The following PDE3A variants were observed in gnomAD, a reference collection of about 807,000 sequenced individuals.
The protein encoded by PDE3A is phosphodiesterase 3A, also known as cGMP-inhibited 3',5'-cyclic phosphodiesterase 3A.
PDE3A carries 43 observed loss-of-function variants against 98.3 expected under a neutral mutation model. The ratio of observed to expected loss-of-function variants is 0.44; its 90% confidence interval spans 0.34 to 0.56. The LOEUF (loss-of-function observed/expected upper bound fraction) is 0.56. Among genes scored for constraint, PDE3A ranks in the 20% least tolerant of loss-of-function variants. The pLI is 0.01. For missense variants in PDE3A, 1,427 were observed against 1,440.7 expected, an observed-to-expected ratio of 0.99 and a Z score of 0.15; for synonymous variants, 663 against 567.9, an observed-to-expected ratio of 1.17 and a Z score of -2.38.
chr12:20,433,554 T>C (rs141589210), intron 1 of PDE3A, among the ~76,000 whole-genome samples: 1 of 152,276 alleles, frequency 6.6e-6, no homozygotes, highest in East Asian at 1.9e-4. Context: ...GGAAGCTGTG[T>C]ATTTCCCATT....
At chr12:20,626,131 A>C (rs1273356902) in intron 5 of PDE3A, among the ~76,000 whole-genome samples, 3 of 147,902 alleles carry the variant, frequency 2.0e-5, no homozygotes, top group African/African-American at 8.0e-5. Flanking sequence ...AAAGCATTTT[A>C]GAAAATTTTA....
At chr12:20,558,691 A>AAATAATAATAATAATAATAAT (rs66996145) in intron 2 of PDE3A, among the ~76,000 whole-genome samples, 1 of 147,832 alleles carries the variant, frequency 6.8e-6, no homozygotes, top group African/African-American at 2.5e-5. Context: ...CCTGCTGACG[A>AAATAATAATAATAATAATAAT]AATAATAATA....
intron 15 of PDE3A, among the ~76,000 whole-genome samples, chr12:20,673,261 A>G (rs1945539400): frequency 6.6e-6 from 1 of 151,590 alleles, no homozygotes; most frequent in African/African-American, 2.4e-5. Flanking sequence ...GGGACTGTAA[A>G]CTAGTTCAAC....
At chr12:20,515,699 ATTAT>A (rs58454608) in intron 1 of PDE3A, among the ~76,000 whole-genome samples, 45,074 of 140,724 alleles carry the variant, frequency 0.32, 7,680 homozygotes, top group Non-Finnish European at 0.39. Context: ...CTCACACTGT[ATTAT>A]TTATTTATTT....
At position 20,369,567 on chromosome 12, in the gene PDE3A, G is replaced by A. The variant is rs1345749615; in HGVS notation, c.283G>A (p.Ala95Thr). The A allele has an allele frequency of 7.7e-6, 12 of 1,550,950 alleles. No individual in the cohort carries two copies. Among genetic ancestry groups the A allele is most frequent in the Non-Finnish European group, 1.0e-5 (12 of 1,148,928 alleles). The change falls in exon 1 of 16, where the codon GCG becomes ACG. Residue 95 changes from alanine (A) to threonine (T), a missense_variant. Ala to Thr is a moderately conservative substitution (Grantham distance 58). Transcript: ENST00000359062. ...CTGTGACCTGGAGCAGTGTAAGGAG[G>A]CGGCGGCGGCGGAGGAGGAGGAAGC... ...VGCDLEQCKEAAAAEEEEAAP... is the reference protein window; with the variant it reads ...VGCDLEQCKETAAAEEEEAAP...
At chr12:20,537,123 T>C (rs1235328162) in intron 1 of PDE3A, among the ~76,000 whole-genome samples, 1 of 152,118 alleles carries the variant, frequency 6.6e-6, no homozygotes, top group East Asian at 1.9e-4. Flanking sequence ...GGTATCTCAC[T>C]GTGGTCTTGA....
Position 20,369,208 on chromosome 12 carries a change from T to TGC in PDE3A, c.-76_-75insCG. On this transcript the variant is annotated 5_prime_UTR_variant, in exon 1 of 16. Transcript: ENST00000359062. ...GTGCGTGCGTGTGTGTGTGTGTGTG[T>TGC]GTGCGCGCGCGCGCGTGGGTCGGGG... The TGC allele has an allele frequency of 1.2e-6, 1 of 824,284 alleles. No homozygotes were observed. The highest frequency in any genetic ancestry group is 1.9e-5 in the South Asian group (1 of 53,692). 51.1% of individuals were successfully genotyped at this position (824,284 alleles called of 1,614,324 possible).
intron 1 of PDE3A, among the ~76,000 whole-genome samples, chr12:20,554,869 G>A (rs1942327191): frequency 6.6e-6 from 1 of 151,852 alleles, no homozygotes. Context: ...ATGTTTTCTT[G>A]CTTATATTTT....
chr12:20,552,691 A>G lies in PDE3A; in HGVS notation c.961-3969A>G. 2 of 1,614,010 alleles carry G rather than the reference A, an allele frequency of 1.2e-6. No individual in the cohort carries two copies. The highest frequency in any genetic ancestry group is 1.7e-6 in the Non-Finnish European group (2 of 1,179,884). On this transcript the variant is annotated intron_variant, in intron 1 of 15. Transcript: ENST00000359062. The surrounding 1 kb of genome is among the most constrained non-coding windows in gnomAD (Gnocchi z 5.1). ...GCAGAGCAGCCTCATCAGAGAGGACAAGAGCAACGCCAAGCTGTGGAATGA... is the reference window on the plus strand; with the variant it reads ...GCAGAGCAGCCTCATCAGAGAGGACGAGAGCAACGCCAAGCTGTGGAATGA...
chr12:20,534,430 C>A (rs1300489687), intron 1 of PDE3A, among the ~76,000 whole-genome samples: 1 of 152,134 alleles, frequency 6.6e-6, no homozygotes, highest in Non-Finnish European at 1.5e-5. Context: ...TATGATCTAC[C>A]TCTAATGGGT....
intron 10 of PDE3A, among the ~76,000 whole-genome samples, chr12:20,645,662 G>A (rs1944760091): frequency 6.6e-6 from 1 of 152,102 alleles, no homozygotes; most frequent in South Asian, 2.1e-4. Flanking sequence ...AGGAAGGTGA[G>A]CCAAGAGCAC....
At chr12:20,398,733 T>G (rs551621192) in intron 1 of PDE3A, among the ~76,000 whole-genome samples, 5 of 152,322 alleles carry the variant, frequency 3.3e-5, no homozygotes, top group Non-Finnish European at 7.4e-5. Flanking sequence ...CCAAAACTTT[T>G]GTTTACTCAT....
At chr12:20,564,212 C>T (rs538691509) in intron 2 of PDE3A, among the ~76,000 whole-genome samples, 1 of 152,136 alleles carries the variant, frequency 6.6e-6, no homozygotes, top group Admixed American at 6.5e-5. Flanking sequence ...CCCTCAGTCC[C>T]CAAACTGTGA....
chr12:20,592,659 C>G (rs1592089928), intron 2 of PDE3A, among the ~76,000 whole-genome samples: 1 of 152,162 alleles, frequency 6.6e-6, no homozygotes, highest in Admixed American at 6.5e-5. Flanking sequence ...AATTAGTGCA[C>G]TGTGCCTCTT....
intron 1 of PDE3A, among the ~76,000 whole-genome samples, chr12:20,511,255 A>G (rs1946215928): frequency 6.6e-6 from 1 of 152,126 alleles, no homozygotes; most frequent in South Asian, 2.1e-4. Flanking sequence ...ACACTCCAGC[A>G]GCAAGGATCA....
intron 1 of PDE3A, among the ~76,000 whole-genome samples, chr12:20,492,685 G>T (rs113072875): frequency 6.6e-6 from 1 of 152,128 alleles, no homozygotes; most frequent in African/African-American, 2.4e-5. Flanking sequence ...ATTGGATTAC[G>T]CTGCTGCACT....
At chr12:20,654,312 C>A in intron 15 of PDE3A, 107 bp downstream of exon 15, 2 of 1,072,588 alleles carry the variant, frequency 1.9e-6, no homozygotes, top group Non-Finnish European at 2.7e-6. Context: ...GTCTAAACAT[C>A]ATTTGCGGAG....
At chr12:20,589,750 C>T (rs1481447267) in intron 2 of PDE3A, among the ~76,000 whole-genome samples, 1 of 151,574 alleles carries the variant, frequency 6.6e-6, no homozygotes, top group Non-Finnish European at 1.5e-5. Context: ...GCACCTGTGG[C>T]CCCAGCTACT....
At chr12:20,581,629 TTG>T (rs1943068630) in intron 2 of PDE3A, among the ~76,000 whole-genome samples, 1 of 148,606 alleles carries the variant, frequency 6.7e-6, no homozygotes, top group Non-Finnish European at 1.5e-5. Flanking sequence ...TTTTTTTTTT[TTG>T]AGACGGAGTC....
Sources: gnomAD v4.1 joint callset for allele counts (sites outside exome capture counted in the v4.1 genomes callset) on GRCh38, gnomAD v4.1.1 for gene constraint, Gnocchi (gnomAD v3.1) non-coding constraint, MANE v1.5 for transcripts, NCBI Gene and HGNC (gene_info 2026-07-23, HGNC 2026-07-21) for gene names.